GPC5: variants seen among roughly 807,000 people sequenced by gnomAD.
The protein encoded by GPC5 is glypican 5, also known as glypican-5.
GPC5 carries 47 observed loss-of-function variants against 53.9 expected under a neutral mutation model. That is an observed-to-expected ratio of 0.87 (90% confidence interval 0.69 to 1.11). GPC5 has a LOEUF of 1.11. GPC5 is among the 50% of genes most tolerant of loss of function. The pLI is 0.00. For synonymous variants in GPC5, 286 were observed against 263.3 expected, an observed-to-expected ratio of 1.09 and a Z score of -0.84; for missense variants, 748 against 713.1, an observed-to-expected ratio of 1.05 and a Z score of -0.56.
intron 7 of GPC5, among the ~76,000 whole-genome samples, chr13:92,492,635 G>T (rs181895012): frequency 2.0e-5 from 3 of 152,050 alleles, no homozygotes; most frequent in Non-Finnish European, 4.4e-5. Context: ...TGTAATCAAA[G>T]AGATGATATT....
intron 7 of GPC5, among the ~76,000 whole-genome samples, chr13:92,158,593 A>G (rs886904829): frequency 6.7e-6 from 1 of 150,200 alleles, no homozygotes; most frequent in African/African-American, 2.5e-5. Context: ...CTCTCCCTTC[A>G]CGCCCCGCAT....
At chr13:92,015,469 A>G (rs1013450618) in intron 6 of GPC5, among the ~76,000 whole-genome samples, 1 of 152,086 alleles carries the variant, frequency 6.6e-6, no homozygotes, top group Non-Finnish European at 1.5e-5. Flanking sequence ...TCTCCTACAA[A>G]AGGAAAACTA....
At chr13:92,591,346 G>A (rs377273511) in intron 7 of GPC5, among the ~76,000 whole-genome samples, 26 of 152,188 alleles carry the variant, frequency 1.7e-4, no homozygotes, top group African/African-American at 5.1e-4. Flanking sequence ...TGCCTCCAGC[G>A]TGAGTTATGG....
intron 1 of GPC5, among the ~76,000 whole-genome samples, chr13:91,440,676 A>T (rs1332078677): frequency 6.6e-6 from 1 of 152,056 alleles, no homozygotes; most frequent in Non-Finnish European, 1.5e-5. Context: ...GATTCTGTGG[A>T]TGTTATATTA....
intron 7 of GPC5, among the ~76,000 whole-genome samples, chr13:92,702,322 T>G (rs1412876427): frequency 6.6e-6 from 1 of 152,118 alleles, no homozygotes; most frequent in Non-Finnish European, 1.5e-5. Flanking sequence ...GATTGGTCTA[T>G]CCAAATCTTT....
intron 2 of GPC5, among the ~76,000 whole-genome samples, chr13:91,659,224 T>C (rs975801945): frequency 2.0e-5 from 3 of 152,130 alleles, no homozygotes; most frequent in Non-Finnish European, 4.4e-5. Context: ...TACAAATGCA[T>C]AGAAAAACCA....
intron 1 of GPC5, among the ~76,000 whole-genome samples, chr13:91,415,723 T>C (rs1878166310): frequency 6.9e-6 from 1 of 145,572 alleles, no homozygotes; most frequent in Non-Finnish European, 1.5e-5. Flanking sequence ...TTTTTCTACC[T>C]TGTAAAAGTC....
intron 2 of GPC5, among the ~76,000 whole-genome samples, chr13:91,505,122 AT>A (rs932547810): frequency 3.9e-5 from 6 of 152,028 alleles, no homozygotes; most frequent in Admixed American, 2.0e-4. Context: ...TAAGGCGCGT[AT>A]TTTTTTTCTT....
rs140870957 is a variant in GPC5 at position 92,433,211 on chromosome 13, G to C, written c.1561+288222G>C. Among the ~76,000 whole-genome samples, 60 of 152,204 alleles carry C rather than the reference G, an allele frequency of 3.9e-4. 1 individual carries two copies. The East Asian group carries it at 0.011, about 27-fold the overall frequency. On this transcript the variant is annotated intron_variant, in intron 7 of 7. Transcript: ENST00000377067. Reference sequence around the variant, plus strand: ...AGACACCGAGATGGTGAGAAAGAATGAGATTTGAAGCACAGATGAAGATCA... The same window carrying C: ...AGACACCGAGATGGTGAGAAAGAATCAGATTTGAAGCACAGATGAAGATCA...
At chr13:91,614,611 A>G (rs1486371005) in intron 2 of GPC5, among the ~76,000 whole-genome samples, 1 of 152,182 alleles carries the variant, frequency 6.6e-6, no homozygotes, top group African/African-American at 2.4e-5. Flanking sequence ...GATTACAGGC[A>G]TGAGCTACTG....
rs1257074080 is a variant in GPC5, at chr13:91,553,040, G to GAATA, written c.325+104119_325+104122dup. Among the ~76,000 whole-genome samples, 3 of 152,080 alleles carry GAATA rather than the reference G, an allele frequency of 2.0e-5. No individual in the cohort carries two copies. The East Asian group carries it at 5.8e-4, about 29-fold the overall frequency. ...TTTAAATATAACATAAAATAATAGTGAATATTACAGTTAATTGTGTCTTTG... is the reference window on the plus strand; with the variant it reads ...TTTAAATATAACATAAAATAATAGTGAATAAATATTACAGTTAATTGTGTCTTTG... On this transcript the variant is annotated intron_variant, in intron 2 of 7. Transcript: ENST00000377067.
intron 2 of GPC5, among the ~76,000 whole-genome samples, chr13:91,648,959 A>T (rs2148530): frequency 0.17 from 26,262 of 152,022 alleles, 2,514 homozygotes; most frequent in East Asian, 0.29. Context: ...CATAATCCCC[A>T]TGTGTCATGG....
chr13:92,816,733 A>C lies in GPC5; in HGVS notation c.1562-49549A>C, dbSNP rs78416174. ...AAAACTCAGGGTACATAGTGCTTCC[A>C]GGCTTTCTGAGGGACAGAACCAAGA... On this transcript the variant is annotated intron_variant, in intron 7 of 7. Transcript: ENST00000377067. Among the ~76,000 whole-genome samples, 258 of 152,144 alleles carry C rather than the reference A, an allele frequency of 1.7e-3. 2 individuals are homozygous for C. In the East Asian group the frequency reaches 0.033, roughly 19 times the overall value.
intron 4 of GPC5, among the ~76,000 whole-genome samples, chr13:91,743,548 T>C (rs1455002579): frequency 1.3e-5 from 2 of 152,126 alleles, no homozygotes; most frequent in East Asian, 3.9e-4. Flanking sequence ...AAAGGATACA[T>C]ATGTATAATA....
At chr13:92,733,714 G>T (rs1888866994) in intron 7 of GPC5, among the ~76,000 whole-genome samples, 1 of 151,748 alleles carries the variant, frequency 6.6e-6, no homozygotes, top group South Asian at 2.1e-4. Context: ...TTCCAAAGAA[G>T]ATGATTACAT....
At chr13:92,655,043 A>T (rs1021022162) in intron 7 of GPC5, among the ~76,000 whole-genome samples, 7 of 152,158 alleles carry the variant, frequency 4.6e-5, no homozygotes, top group Non-Finnish European at 1.0e-4. Flanking sequence ...AACCACCAAA[A>T]ACTAGGGAAG....
intron 2 of GPC5, among the ~76,000 whole-genome samples, chr13:91,518,592 G>A (rs957833725): frequency 5.3e-5 from 8 of 151,860 alleles, no homozygotes; most frequent in South Asian, 2.1e-4. Context: ...TCGCTCTGTC[G>A]CCCAGGCTGG....
chr13:92,698,214 G>A (rs1225005205), intron 7 of GPC5, among the ~76,000 whole-genome samples: 2 of 151,314 alleles, frequency 1.3e-5, no homozygotes, highest in East Asian at 2.0e-4. Context: ...TGTGCACAAC[G>A]TGCACGTTAG....
intron 2 of GPC5, among the ~76,000 whole-genome samples, chr13:91,692,627 T>A (rs2035780035): frequency 6.6e-6 from 1 of 152,146 alleles, no homozygotes; most frequent in African/African-American, 2.4e-5. Context: ...ACCATACATG[T>A]AACTTATTTT....
Sources: allele counts gnomAD v4.1 joint callset (sites outside exome capture counted in the v4.1 genomes callset), GRCh38; gene constraint gnomAD v4.1.1; transcripts MANE v1.5; gene names NCBI Gene and HGNC (gene_info 2026-07-23, HGNC 2026-07-21).